PAAF1: variants seen among roughly 807,000 people sequenced by gnomAD.
PAAF1 encodes proteasomal ATPase associated factor 1, also known as proteasomal ATPase-associated factor 1.
PAAF1 carries 46 observed loss-of-function variants against 52.8 expected under a neutral mutation model. The observed-to-expected ratio is 0.87, with a 90% CI of 0.69 to 1.11. PAAF1 has a LOEUF of 1.11. Among genes scored for constraint, PAAF1 ranks in the 50% most tolerant of loss-of-function variants. The pLI, the probability that PAAF1 is intolerant of heterozygous loss-of-function variation, is 0.00. For synonymous variants in PAAF1, 178 were observed against 172.8 expected, an observed-to-expected ratio of 1.03 and a Z score of -0.24; for missense variants, 424 against 477.4, an observed-to-expected ratio of 0.89 and a Z score of 1.04.
chr11:73,914,025 C>T (rs773955502), intron 7 of PAAF1, among the ~76,000 whole-genome samples: 1 of 152,072 alleles, frequency 6.6e-6, no homozygotes, highest in Non-Finnish European at 1.5e-5. Flanking sequence ...ATGGCCCCTG[C>T]ACTCCAGCCT....
rs774752747 is a variant in PAAF1 at position 73,924,628 on chromosome 11, T to G, written c.1032T>G (p.Cys344Trp). Reference protein sequence around the residue: ...GFIASQGDGSCFIVQQDLDYV... With the variant: ...GFIASQGDGSWFIVQQDLDYV... ...TCTGCCTTTCAGGTGATGGAAGCTGTTTTATTGTCCAGCAAGACTTAGACT... is the reference window on the plus strand; with the variant it reads ...TCTGCCTTTCAGGTGATGGAAGCTGGTTTATTGTCCAGCAAGACTTAGACT... Residue 344 changes from cysteine (C) to tryptophan (W), a missense_variant, in exon 11 of 12, where the codon TGT becomes TGG. Transcript: ENST00000310571. 2 of 1,613,866 alleles carry G rather than the reference T, an allele frequency of 1.2e-6. No individual in the cohort carries two copies. The highest frequency in any genetic ancestry group is 3.3e-5 in the Admixed American group (2 of 60,018).
intron 7 of PAAF1, among the ~76,000 whole-genome samples, chr11:73,912,745 C>G (rs533438430): frequency 6.6e-6 from 1 of 152,276 alleles, no homozygotes; most frequent in Admixed American, 6.5e-5. Flanking sequence ...ACAACAAGCT[C>G]TTATACTTTC....
intron 11 of PAAF1, 70 bp from the exon 12 acceptor site, chr11:73,927,215 C>T (rs1460186306): frequency 8.5e-7 from 1 of 1,170,978 alleles, no homozygotes; most frequent in African/African-American, 1.5e-5. Context: ...GTGTGTCAAT[C>T]ATAAGCCTCC....
chr11:73,911,195 T>C (rs1949919995), intron 7 of PAAF1, among the ~76,000 whole-genome samples: 2 of 152,258 alleles, frequency 1.3e-5, no homozygotes, highest in African/African-American at 4.8e-5. Flanking sequence ...CTATAGGGTC[T>C]GACAAGTGTA....
chr11:73,925,188 G>GGCT (rs985811479), intron 11 of PAAF1, among the ~76,000 whole-genome samples: 1 of 148,354 alleles, frequency 6.7e-6, no homozygotes, highest in Non-Finnish European at 1.5e-5. Context: ...AGTGACTTCT[G>GGCT]GCTGACAGCT....
intron 11 of PAAF1, among the ~76,000 whole-genome samples, chr11:73,926,192 C>T (rs1415155380): frequency 1.3e-5 from 2 of 151,974 alleles, no homozygotes; most frequent in Non-Finnish European, 2.9e-5. Context: ...CAGCAACCTC[C>T]GCCTCCCAGG....
intron 2 of PAAF1, among the ~76,000 whole-genome samples, chr11:73,882,319 T>TTC (rs1235672752): frequency 6.6e-6 from 1 of 151,240 alleles, no homozygotes; most frequent in Admixed American, 6.6e-5. Context: ...CACTTTTTTT[T>TTC]TTTTTTTTTT....
intron 6 of PAAF1, among the ~76,000 whole-genome samples, chr11:73,906,867 T>C (rs1169512593): frequency 6.6e-6 from 1 of 152,188 alleles, no homozygotes; most frequent in East Asian, 1.9e-4. Context: ...GACCACTAAT[T>C]AGCTATGTGA....
At chr11:73,923,379 A>G (rs2135235333) in intron 10 of PAAF1, among the ~76,000 whole-genome samples, 1 of 152,288 alleles carries the variant, frequency 6.6e-6, no homozygotes, top group South Asian at 2.1e-4. Context: ...TCGTTTATGC[A>G]CATGCTGTCA....
intron 7 of PAAF1, among the ~76,000 whole-genome samples, chr11:73,910,428 C>G (rs111278947): frequency 6.6e-6 from 1 of 152,056 alleles, no homozygotes; most frequent in Non-Finnish European, 1.5e-5. Context: ...ATAGCTTGGA[C>G]GTGAAACTAA....
chr11:73,906,388 G>A (rs188873604), intron 6 of PAAF1, among the ~76,000 whole-genome samples: 68 of 152,224 alleles, frequency 4.5e-4, no homozygotes, highest in African/African-American at 1.5e-3. Context: ...AAGTAGCTGG[G>A]ATTACAGGCA....
intron 10 of PAAF1, among the ~76,000 whole-genome samples, chr11:73,924,179 G>A (rs1366036734): frequency 6.6e-6 from 1 of 152,198 alleles, no homozygotes; most frequent in Non-Finnish European, 1.5e-5. Context: ...CATAGGCCGG[G>A]TATGGTGGCT....
intron 10 of PAAF1, 51 bp from the exon 11 acceptor site, chr11:73,924,564 C>A: frequency 2.1e-6 from 3 of 1,451,124 alleles, no homozygotes; most frequent in Non-Finnish European, 2.9e-6. Context: ...AGTTTTTAAA[C>A]TCTGGATGCA....
At chr11:73,876,807 G>C (rs993087053), upstream of PAAF1, 2 of 426,948 alleles carry the variant, frequency 4.7e-6, no homozygotes, top group Non-Finnish European at 8.1e-6. Flanking sequence ...GCGGCGGCTT[G>C]GGTTTCGCAG....
Position 73,929,119 on chromosome 11 carries a change from C to T in PAAF1, c.*1757C>T, listed in dbSNP as rs138106688. 2,161 of 152,116 alleles carry T rather than the reference C, an allele frequency of 0.014. 27 individuals are homozygous for T. The highest frequency in any genetic ancestry group is 0.022 in the Non-Finnish European group (1,486 of 68,048). 9.4% of individuals were successfully genotyped at this position (152,116 alleles called of 1,614,324 possible). On this transcript the variant is annotated 3_prime_UTR_variant, in exon 12 of 12. Coordinates refer to ENST00000310571, the MANE Select transcript of PAAF1 (RefSeq NM_025155.3). Reference sequence around the variant, plus strand: ...AGGCTGGAATGCGTTGGCATGATTACAGCTTCTGCCTTAACCTCCTGGGCT... The same window carrying T: ...AGGCTGGAATGCGTTGGCATGATTATAGCTTCTGCCTTAACCTCCTGGGCT...
rs574885032 is a variant in PAAF1, at chr11:73,882,256, C to T, written c.88+3437C>T. ...GTCTCCATCTCCTGACCTCGTGATC[C>T]GCTCCCTGGCCTCCCAAAGTGCTGG... is the stretch of plus-strand genomic sequence containing the variant. On this transcript the variant is annotated intron_variant, in intron 2 of 11. Coordinates refer to ENST00000310571, the MANE Select transcript of PAAF1 (RefSeq NM_025155.3). 4.6e-5 allele frequency among the ~76,000 whole-genome samples: 7 copies of T among 151,028 alleles called. No homozygotes were observed. The East Asian group carries it at 7.8e-4, about 17-fold the overall frequency.
At chr11:73,882,999 A>C (rs1948960623) in intron 2 of PAAF1, among the ~76,000 whole-genome samples, 1 of 152,096 alleles carries the variant, frequency 6.6e-6, no homozygotes, top group East Asian at 1.9e-4. Flanking sequence ...TCCTGGGTTC[A>C]AGAGATCCTC....
chr11:73,896,931 A>AC (rs1371493762), intron 4 of PAAF1, among the ~76,000 whole-genome samples: 14 of 118,512 alleles, frequency 1.2e-4, no homozygotes, highest in African/African-American at 4.0e-4. Context: ...GGGGGGGCTG[A>AC]CCCCCCAGAC....
intron 6 of PAAF1, among the ~76,000 whole-genome samples, chr11:73,908,606 C>G (rs1033925197): frequency 6.6e-6 from 1 of 151,450 alleles, no homozygotes; most frequent in Non-Finnish European, 1.5e-5. Flanking sequence ...GCTGTGTCAC[C>G]CAGGCTGGTC....
Sources: gnomAD v4.1 joint callset for allele counts (sites outside exome capture counted in the v4.1 genomes callset) on GRCh38, gnomAD v4.1.1 for gene constraint, MANE v1.5 for transcripts, NCBI Gene and HGNC (gene_info 2026-07-23, HGNC 2026-07-21) for gene names.